PATL2: variants seen among roughly 807,000 people sequenced by gnomAD.
PATL2 encodes PAT1 homolog 2.
In PATL2, 73 loss-of-function variants were observed where a neutral mutation model predicts 77.0. That is an observed-to-expected ratio of 0.95 (90% confidence interval 0.78 to 1.15). PATL2 has a LOEUF of 1.15. PATL2 is among the 50% of genes most tolerant of loss of function. The pLI, the probability that PATL2 is intolerant of heterozygous loss-of-function variation, is 0.00. For synonymous variants in PATL2, 265 were observed against 257.1 expected, an observed-to-expected ratio of 1.03 and a Z score of -0.29; for missense variants, 618 against 655.4, an observed-to-expected ratio of 0.94 and a Z score of 0.62.
At chr15:44,668,168 G>A (rs997776198) in intron 15 of PATL2, among the ~76,000 whole-genome samples, 174 bp downstream of exon 15, 3 of 152,178 alleles carry the variant, frequency 2.0e-5, no homozygotes, top group African/African-American at 7.2e-5. Context: ...ATGACTGAGT[G>A]GGACCAAGGA....
intron 3 of PATL2, 59 bp from the exon 4 acceptor site, chr15:44,676,624 C>T: frequency 7.1e-7 from 1 of 1,409,878 alleles, no homozygotes; most frequent in South Asian, 1.2e-5. Context: ...GACATGGCAC[C>T]CTAAAACAGC....
chr15:44,695,324 G>A (rs2086481534), intron 3 of PATL2, among the ~76,000 whole-genome samples: 1 of 152,148 alleles, frequency 6.6e-6, no homozygotes, highest in Non-Finnish European at 1.5e-5. Context: ...AGAGCAGCCT[G>A]CAAAATTGAG....
chr15:44,684,118 G>A (rs2086198484), intron 3 of PATL2, among the ~76,000 whole-genome samples: 1 of 150,444 alleles, frequency 6.6e-6, no homozygotes, highest in South Asian at 2.1e-4. Context: ...ACCAAAGGTA[G>A]ATAAATCCAT....
At chr15:44,687,797 C>G (rs2086294514) in intron 3 of PATL2, among the ~76,000 whole-genome samples, 1 of 152,154 alleles carries the variant, frequency 6.6e-6, no homozygotes, top group South Asian at 2.1e-4. Flanking sequence ...AACTCCCAGT[C>G]ACAATTGCTA....
At chr15:44,666,706 G>A (rs1268346090) in intron 16 of PATL2, 165 bp from the exon 17 acceptor site, 1 of 661,668 alleles carries the variant, frequency 1.5e-6, no homozygotes, top group East Asian at 2.9e-5. Context: ...GCAATGCTTA[G>A]TGCTTTACAC....
Position 44,666,552 on chromosome 15 carries a change from T to G in PATL2, c.1464-11A>C. 1 of 1,499,000 alleles carries G rather than the reference T, an allele frequency of 6.7e-7. No individual in the cohort carries two copies. Among genetic ancestry groups the G allele is most frequent in the South Asian group, 1.3e-5 (1 of 76,254 alleles). The allele number at this position is 1,499,000 out of a possible 1,614,324, so 92.9% of individuals were successfully genotyped here. A position where few individuals can be genotyped will look rare whatever the true frequency, so the allele number is the denominator to read the frequency against. On this transcript the variant is annotated splice_polypyrimidine_tract_variant and intron_variant, in intron 16 of 17. Coordinates refer to ENST00000682850, the MANE Select transcript of PATL2 (RefSeq NM_001387263.1). ...ACCACCATGTCTGTCCTAGAGAGCA[T>G]AAATATAAATATAAGCAAATAGATT...
rs996493709 is a variant in PATL2 at position 44,672,413 on chromosome 15, G to A, written c.490C>T (p.Gln164Ter). 1.3e-6 allele frequency: 2 copies of A among 1,551,592 alleles called. No homozygotes were observed. Among genetic ancestry groups the A allele is most frequent in the Non-Finnish European group, 1.7e-6 (2 of 1,147,008 alleles). The change falls in exon 8 of 18, where the codon CAG becomes TAG. Residue 164 changes from glutamine (Q) to a stop codon, truncating the protein, a stop_gained. Coordinates refer to ENST00000682850, the MANE Select transcript of PATL2 (RefSeq NM_001387263.1). LOFTEE classifies it high-confidence loss of function. ...LHPRHQRILQ[Q>*]QQHSQTPSPP... The stretch of plus-strand genomic sequence containing the variant: ...CTTGGTGTTTGACTATGCTGCTGCT[G>A]CTGCAAGATTCGTTGGTGCCGAGGG...
chr15:44,703,483 A>ATTT lies in PATL2; in HGVS notation c.-76+6610_-76+6612dup, dbSNP rs527321652. On this transcript the variant is annotated intron_variant, in intron 3 of 17. Coordinates refer to ENST00000682850, the MANE Select transcript of PATL2 (RefSeq NM_001387263.1). ...TGGGTGCTCCAGTTGGAATGCATAT[A>ATTT]TTTTTACAATTGTTATATACTCTGG... Among the ~76,000 whole-genome samples, 174 of 152,048 alleles carry ATTT rather than the reference A, an allele frequency of 1.1e-3. 2 individuals are homozygous for ATTT. The highest frequency in any genetic ancestry group is 4.0e-3 in the African/African-American group (167 of 41,412).
rs1328986747 is a variant in PATL2, at chr15:44,710,134, T to C, written c.-114A>G. ...TTGTGGGAGGCTCTCTCTTGTGCATTATCTCATTTCATTAGGTCCATGGAG... is the reference window on the plus strand; with the variant it reads ...TTGTGGGAGGCTCTCTCTTGTGCATCATCTCATTTCATTAGGTCCATGGAG... On this transcript the variant is annotated 5_prime_UTR_variant, in exon 3 of 18. The change creates a new upstream start codon in the 5' untranslated region. Coordinates refer to ENST00000682850, the MANE Select transcript of PATL2 (RefSeq NM_001387263.1). Among the ~76,000 whole-genome samples the C allele has an allele frequency of 1.3e-5, 2 of 152,246 alleles. No homozygotes were observed. The highest frequency in any genetic ancestry group is 2.9e-5 in the Non-Finnish European group (2 of 68,050).
In PATL2 at chr15:44,669,029, G is replaced by A. The variant is rs907360887; in HGVS notation, c.1175C>T (p.Ala392Val). The stretch of plus-strand genomic sequence containing the variant: ...CAGGAGGGGCAGATGGTGGGTGATA[G>A]CCAAAAGAATGGTAACAGCCTGATC... ...PQDQAVTILLAITHHLPLLVR... is the reference protein window; with the variant it reads ...PQDQAVTILLVITHHLPLLVR... The change falls in exon 14 of 18, where the codon GCT becomes GTT. Residue 392 changes from alanine (A) to valine (V), a missense_variant. Transcript: ENST00000682850. The A allele has an allele frequency of 6.4e-7, 1 of 1,551,138 alleles. No individual in the cohort carries two copies. Among genetic ancestry groups the A allele is most frequent in the Admixed American group, 2.0e-5 (1 of 50,924 alleles).
intron 3 of PATL2, among the ~76,000 whole-genome samples, chr15:44,700,751 T>A (rs1465256940): frequency 6.6e-6 from 1 of 152,222 alleles, no homozygotes; most frequent in African/African-American, 2.4e-5. Flanking sequence ...GTTTGGATGC[T>A]CTTTATTTCT....
At position 44,675,582 on chromosome 15, in the gene PATL2, GTCC is replaced by G. The variant is rs1566856816; in HGVS notation, c.123_125del (p.Glu41del). ...CCAGATCTGGGTCCAGATCCTCCTCGTCCTCCTCCTCTTCCTCCTCCTCCCCTT... is the reference window on the plus strand; with the variant it reads ...CCAGATCTGGGTCCAGATCCTCCTCGTCCTCCTCTTCCTCCTCCTCCCCTT... On this transcript the variant is annotated inframe_deletion, in exon 5 of 18. Transcript: ENST00000682850. The G allele has an allele frequency of 1.2e-5, 18 of 1,551,368 alleles. No individual in the cohort carries two copies. The highest frequency in any genetic ancestry group is 1.4e-5 in the African/African-American group (1 of 72,862).
At chr15:44,679,552 C>CTTTTTTTTTTTTTTTT (rs545161525) in intron 3 of PATL2, among the ~76,000 whole-genome samples, 2 of 114,358 alleles carry the variant, frequency 1.7e-5, no homozygotes, top group African/African-American at 3.3e-5. Flanking sequence ...TTTTCTTTTT[C>CTTTTTTTTTTTTTTTT]TTTTTTTTTT....
At chr15:44,688,738 G>C (rs1204772899) in intron 3 of PATL2, among the ~76,000 whole-genome samples, 2 of 152,102 alleles carry the variant, frequency 1.3e-5, no homozygotes, top group Non-Finnish European at 2.9e-5. Context: ...TTAAATGTAA[G>C]ATTGAAAACC....
In PATL2 at chr15:44,670,017, G is replaced by T. The variant is rs2085591064; in HGVS notation, c.728C>A (p.Ser243Tyr). The T allele has an allele frequency of 1.9e-6, 3 of 1,550,760 alleles. No individual in the cohort carries two copies. Among genetic ancestry groups the T allele is most frequent in the Middle Eastern group, 1.7e-4 (1 of 5,990 alleles). Reference sequence around the variant, plus strand: ...AATGTAAGGCGTTACCAGCTTGAGGGACTCAACCCGGTTTCTTCGTCCAAG... The same window carrying T: ...AATGTAAGGCGTTACCAGCTTGAGGTACTCAACCCGGTTTCTTCGTCCAAG... Reference protein sequence around the residue: ...ELLGRRNRVESLKLVTPYIPK... With the variant: ...ELLGRRNRVEYLKLVTPYIPK... The change falls in exon 10 of 18, where the codon TCC becomes TAC. Residue 243 changes from serine (S) to tyrosine (Y), a missense_variant. Ser to Tyr is a moderately radical substitution (Grantham distance 144). Coordinates refer to ENST00000682850, the MANE Select transcript of PATL2 (RefSeq NM_001387263.1).
intron 3 of PATL2, among the ~76,000 whole-genome samples, chr15:44,691,521 G>C (rs2086391289): frequency 6.6e-6 from 1 of 152,004 alleles, no homozygotes; most frequent in Non-Finnish European, 1.5e-5. Context: ...ATCTGAGTGT[G>C]GTGGCATGTT....
At chr15:44,678,529 G>GT (rs1179234490) in intron 3 of PATL2, among the ~76,000 whole-genome samples, 1 of 152,114 alleles carries the variant, frequency 6.6e-6, no homozygotes. Context: ...ATTTCATTAT[G>GT]TTAAGTTCAA....
intron 3 of PATL2, among the ~76,000 whole-genome samples, chr15:44,681,268 C>G (rs2086128809): frequency 6.6e-6 from 1 of 152,204 alleles, no homozygotes; most frequent in Non-Finnish European, 1.5e-5. Context: ...GTCCTCCCAC[C>G]TTGGCCTCCC....
chr15:44,678,232 A>C (rs1222233505), intron 3 of PATL2, among the ~76,000 whole-genome samples: 1 of 152,174 alleles, frequency 6.6e-6, no homozygotes, highest in East Asian at 1.9e-4. Flanking sequence ...CTATTAACAA[A>C]AGGACCACAT....
Sources: gnomAD v4.1 joint callset for allele counts (sites outside exome capture counted in the v4.1 genomes callset) on GRCh38, gnomAD v4.1.1 for gene constraint, MANE v1.5 for transcripts, NCBI Gene and HGNC (gene_info 2026-07-23, HGNC 2026-07-21) for gene names.